The following SLC27A1 variants were observed in gnomAD, a reference collection of about 807,000 sequenced individuals.
The protein encoded by SLC27A1 is solute carrier family 27 member 1, also known as long-chain fatty acid transport protein 1.
Under a neutral mutation model 62.2 loss-of-function variants are expected in SLC27A1, and 61 were observed. That is an observed-to-expected ratio of 0.98 (90% CI 0.80 to 1.21). The LOEUF (loss-of-function observed/expected upper bound fraction) is 1.21. Ranked by LOEUF, SLC27A1 falls within the 50% of genes most tolerant of loss-of-function variation. The probability of loss-of-function intolerance (pLI) is 0.00; values close to 1 mark genes in which losing one functional copy is unlikely to be tolerated. For synonymous variants in SLC27A1, 435 were observed against 408.6 expected (o/e 1.06, Z -0.78); for missense variants, 903 against 932.1 (o/e 0.97, Z 0.41).
chr19:17,479,324 G>A (rs866759175), intron 1 of SLC27A1, among the ~76,000 whole-genome samples: 1 of 152,180 alleles, frequency 6.6e-6, no homozygotes, highest in Non-Finnish European at 1.5e-5. Context: ...ACAAAGGCCT[G>A]TCAGTGTCTT....
At position 17,504,845 on chromosome 19, in the gene SLC27A1, T is replaced by C. The variant is rs765292093; in HGVS notation, c.*233T>C. The C allele has an allele frequency of 1.4e-6, 1 of 690,682 alleles. No homozygotes were observed. Among genetic ancestry groups the C allele is most frequent in the South Asian group, 1.5e-5 (1 of 66,676 alleles). The allele number at this position is 690,682 out of a possible 1,614,324, so 42.8% of individuals were successfully genotyped here. A position where few individuals can be genotyped will look rare whatever the true frequency, so the allele number is the denominator to read the frequency against. On this transcript the variant is annotated 3_prime_UTR_variant, in exon 12 of 12. Coordinates refer to ENST00000252595, the MANE Select transcript of SLC27A1 (RefSeq NM_198580.3). ...GCTTTTCAGCCTCTGTCTCCTTCCA[T>C]CCCTGTCCCTGTCTGGCCTTAACTC... is the stretch of plus-strand genomic sequence containing the variant.
At chr19:17,488,624 T>C in intron 4 of SLC27A1, 4 of 594,832 alleles carry the variant, frequency 6.7e-6, no homozygotes, top group South Asian at 5.8e-5. Context: ...CCCCCCTGGC[T>C]GCATTACCAT....
At chr19:17,469,187 C>T (rs2075049898), upstream of SLC27A1, among the ~76,000 whole-genome samples, 1 of 152,102 alleles carries the variant, frequency 6.6e-6, no homozygotes, top group Non-Finnish European at 1.5e-5. Flanking sequence ...GAGACTTAAC[C>T]GACAAGGCTT....
At chr19:17,490,512 A>G (rs2075284271) in intron 6 of SLC27A1, among the ~76,000 whole-genome samples, 1 of 152,068 alleles carries the variant, frequency 6.6e-6, no homozygotes, top group African/African-American at 2.4e-5. Context: ...AAGTGGACAG[A>G]AAAGTATAGA....
intron 6 of SLC27A1, among the ~76,000 whole-genome samples, chr19:17,494,797 CAAA>C (rs71162145): frequency 4.5e-4 from 67 of 147,814 alleles, no homozygotes; most frequent in Admixed American, 6.1e-4. Flanking sequence ...TTTTTGTTTC[CAAA>C]AAAAAAAAAA....
rs759958817 is a variant in SLC27A1 at position 17,500,764 on chromosome 19, C to T, written c.1524C>T (p.Ser508=). The T allele has an allele frequency of 3.1e-6, 5 of 1,613,546 alleles. No individual in the cohort carries two copies. In the South Asian group the frequency reaches 3.3e-5, roughly 11 times the overall value. ...ELGYMYFRDR[S]GDTFRWRGEN... is the part of the protein sequence containing the mutation. The stretch of plus-strand genomic sequence containing the variant: ...GCTACATGTACTTCCGGGACCGTAG[C>T]GGGGACACCTTCCGCTGGCGAGGGG... Residue 508 remains serine (S), a synonymous_variant, in exon 10 of 12, where the codon AGC becomes AGT. Coordinates refer to ENST00000252595, the MANE Select transcript of SLC27A1 (RefSeq NM_198580.3).
chr19:17,497,575 T>A, intron 7 of SLC27A1, 111 bp downstream of exon 7: 1 of 1,011,526 alleles, frequency 9.9e-7, no homozygotes, highest in South Asian at 1.4e-5. Flanking sequence ...CGCGGAAGGC[T>A]CCGCCAAGGC....
chr19:17,488,878 C>T lies in SLC27A1; in HGVS notation c.825C>T (p.His275=), dbSNP rs1244851626. 3 of 1,614,056 alleles carry T rather than the reference C, an allele frequency of 1.9e-6. No individual in the cohort carries two copies. The highest frequency in any genetic ancestry group is 1.1e-5 in the South Asian group (1 of 91,070). The change falls in exon 5 of 12, where the codon CAC becomes CAT. Residue 275 remains histidine, a synonymous_variant. Transcript: ENST00000252595. ...RYYRMAAFGH[H]AYRMQAADVL... ...ACCGCATGGCAGCCTTCGGCCACCACGCCTACCGCATGCAGGCGGCTGACG... is the reference window on the plus strand; with the variant it reads ...ACCGCATGGCAGCCTTCGGCCACCATGCCTACCGCATGCAGGCGGCTGACG...
intron 6 of SLC27A1, 122 bp downstream of exon 6, chr19:17,489,239 C>A: frequency 1.3e-6 from 1 of 784,254 alleles, no homozygotes; most frequent in Non-Finnish European, 2.1e-6. Flanking sequence ...CCACCTCCTC[C>A]TGGTCAGGTC....
At chr19:17,479,021 C>G (rs1457907845) in intron 1 of SLC27A1, among the ~76,000 whole-genome samples, 1 of 152,138 alleles carries the variant, frequency 6.6e-6, no homozygotes, top group Non-Finnish European at 1.5e-5. Flanking sequence ...CACTTGAGCC[C>G]TGGAGTTTGA....
chr19:17,497,164 C>T, intron 6 of SLC27A1, 91 bp from the exon 7 acceptor site: 1 of 1,012,688 alleles, frequency 9.9e-7, no homozygotes, highest in Non-Finnish European at 1.4e-6. Flanking sequence ...GGATTAGCTC[C>T]CTGGGTGGGG....
chr19:17,487,161 T>C lies in SLC27A1; in HGVS notation c.563-13T>C, dbSNP rs1210568125. 2 of 1,613,896 alleles carry C rather than the reference T, an allele frequency of 1.2e-6. No individual in the cohort carries two copies. The highest frequency in any genetic ancestry group is 1.7e-5 in the Admixed American group (1 of 60,012). On this transcript the variant is annotated splice_polypyrimidine_tract_variant and intron_variant, in intron 2 of 11. Coordinates refer to ENST00000252595, the MANE Select transcript of SLC27A1 (RefSeq NM_198580.3). ...TCCGGCGGTGACCATGACCCATGTG[T>C]TGGGGACCACAGCGGTGGCCGAAGT...
In SLC27A1 at chr19:17,505,523, C is replaced by T. The variant is rs2075470257; in HGVS notation, c.*911C>T. On this transcript the variant is annotated 3_prime_UTR_variant, in exon 12 of 12. Coordinates refer to ENST00000252595, the MANE Select transcript of SLC27A1 (RefSeq NM_198580.3). ...AATTGCCTTTTGCACTTCCCCGTTC[C>T]TGTCACATTTCCCCAGCCCCACCTT... 1.3e-5 allele frequency: 2 copies of T among 153,084 alleles called. No homozygotes were observed. Among genetic ancestry groups the T allele is most frequent in the Non-Finnish European group, 2.9e-5 (2 of 68,532 alleles). 9.5% of individuals were successfully genotyped at this position (153,084 alleles called of 1,614,324 possible).
At position 17,504,556 on chromosome 19, in the gene SLC27A1, C is replaced by T; in HGVS notation, c.1885C>T (p.Leu629=). The change falls in exon 12 of 12, where the codon CTG becomes TTG. Residue 629 remains leucine (L), a synonymous_variant. Transcript: ENST00000252595. ...FFLDLKQGHY[L]PLNEAVYTRI... ...CCTGGACCTGAAGCAGGGCCACTACCTGCCCTTAAATGAGGCAGTCTACAC... is the reference window on the plus strand; with the variant it reads ...CCTGGACCTGAAGCAGGGCCACTACTTGCCCTTAAATGAGGCAGTCTACAC... 6.2e-7 allele frequency: 1 copy of T among 1,614,224 alleles called. No individual in the cohort carries two copies. Among genetic ancestry groups the T allele is most frequent in the Non-Finnish European group, 8.5e-7 (1 of 1,180,048 alleles).
chr19:17,501,833 C>T lies in SLC27A1; in HGVS notation c.1783+414C>T, dbSNP rs372762375. 4.8e-5 allele frequency among the ~76,000 whole-genome samples: 7 copies of T among 146,008 alleles called. No homozygotes were observed. The South Asian group carries it at 6.5e-4, about 14-fold the overall frequency. Reference sequence around the variant, plus strand: ...AAAAAAAAAAAAAAGAATACCTGGCCGGGTGTGGTGGCTCCCGCCTGTAAT... The same window carrying T: ...AAAAAAAAAAAAAAGAATACCTGGCTGGGTGTGGTGGCTCCCGCCTGTAAT... On this transcript the variant is annotated intron_variant, in intron 11 of 11. Transcript: ENST00000252595.
At chr19:17,492,898 C>T (rs1568419622) in intron 6 of SLC27A1, among the ~76,000 whole-genome samples, 1 of 151,254 alleles carries the variant, frequency 6.6e-6, no homozygotes, top group East Asian at 2.0e-4. Context: ...CGAGATTGTG[C>T]CATTGCACTC....
At position 17,476,494 on chromosome 19, in the gene SLC27A1, C is replaced by T. The variant is rs542254971; in HGVS notation, c.167+5787C>T. 1.1e-4 allele frequency among the ~76,000 whole-genome samples: 16 copies of T among 146,796 alleles called. No individual in the cohort carries two copies. The South Asian group carries it at 1.9e-3, about 18-fold the overall frequency. On this transcript the variant is annotated intron_variant, in intron 1 of 11. Coordinates refer to ENST00000252595, the MANE Select transcript of SLC27A1 (RefSeq NM_198580.3). ...CAGAGGTTGCAGTGAGCTGAGGTGGCACCACTGCACTCCAGCCTGGGTGAC... is the reference window on the plus strand; with the variant it reads ...CAGAGGTTGCAGTGAGCTGAGGTGGTACCACTGCACTCCAGCCTGGGTGAC...
intron 6 of SLC27A1, among the ~76,000 whole-genome samples, chr19:17,489,435 A>G (rs7255307): frequency 0.79 from 120,061 of 152,160 alleles, 48,519 homozygotes; most frequent in Non-Finnish European, 0.89. Flanking sequence ...TTTCCTGAGT[A>G]CCTGCTCTGT....
intron 11 of SLC27A1, among the ~76,000 whole-genome samples, chr19:17,501,760 G>A (rs148784211): frequency 0.041 from 5,399 of 130,998 alleles, 354 homozygotes; most frequent in African/African-American, 0.15. Flanking sequence ...CCCAGATCAC[G>A]CCACTGCACT....
Sources: allele counts gnomAD v4.1 joint callset (sites outside exome capture counted in the v4.1 genomes callset), GRCh38; gene constraint gnomAD v4.1.1; transcripts MANE v1.5; gene names NCBI Gene and HGNC (gene_info 2026-07-23, HGNC 2026-07-21).